Variants in HECW1 observed in about 807,000 individuals in gnomAD.
The protein encoded by HECW1 is E3 ubiquitin-protein ligase HECW1.
In HECW1, 61 loss-of-function variants were observed where a neutral mutation model predicts 182.3. The observed-to-expected ratio is 0.33, with a 90% CI of 0.27 to 0.41. The LOEUF is 0.41. Among genes scored for constraint, HECW1 ranks in the 10% least tolerant of loss-of-function variants. The pLI is 1.00. For missense variants in HECW1, 1,739 were observed against 2,108.9 expected (o/e 0.82, Z 3.44); for synonymous variants, 859 against 832.6 (o/e 1.03, Z -0.55).
chr7:43,189,370 G>A (rs768778763), intron 2 of HECW1, among the ~76,000 whole-genome samples: 1 of 144,628 alleles, frequency 6.9e-6, no homozygotes, highest in Non-Finnish European at 1.5e-5. Context: ...CAGGCGATAG[G>A]GACATTGCTG....
At chr7:43,137,808 C>T (rs2152628917) in intron 2 of HECW1, among the ~76,000 whole-genome samples, 1 of 152,280 alleles carries the variant, frequency 6.6e-6, no homozygotes, top group Non-Finnish European at 1.5e-5. Flanking sequence ...CTTTGGCCTC[C>T]CAAAATGTTG....
chr7:43,376,086 G>T (rs976973460), intron 6 of HECW1, among the ~76,000 whole-genome samples: 1 of 150,682 alleles, frequency 6.6e-6, no homozygotes, highest in African/African-American at 2.4e-5. Flanking sequence ...ATATGAGCTT[G>T]ATCATCTCCA....
At chr7:43,439,976 A>C (rs1041083183) in intron 9 of HECW1, 3 of 152,376 alleles carry the variant, frequency 2.0e-5, no homozygotes, top group Non-Finnish European at 4.4e-5. Context: ...GGGATGATAG[A>C]CTGCCCCCTG....
chr7:43,319,393 C>CAAAAAAAAAAAAAAAAA (rs529109893), intron 4 of HECW1, among the ~76,000 whole-genome samples: 10 of 67,684 alleles, frequency 1.5e-4, no homozygotes, highest in Admixed American at 5.6e-4. Flanking sequence ...GACTCCGTCT[C>CAAAAAAAAAAAAAAAAA]AAAAAAAAAA....
At chr7:43,192,531 AAAAG>A (rs1043027787) in intron 2 of HECW1, among the ~76,000 whole-genome samples, 17 of 149,944 alleles carry the variant, frequency 1.1e-4, no homozygotes, top group African/African-American at 3.5e-4. Flanking sequence ...AAACTTCATA[AAAAG>A]AAAAAAGTGG....
intron 26 of HECW1, among the ~76,000 whole-genome samples, chr7:43,548,160 AATAG>A (rs750900308): frequency 2.2e-4 from 33 of 152,342 alleles, no homozygotes; most frequent in Non-Finnish European, 3.5e-4. Context: ...ACTTTTTAAT[AATAG>A]ATTTGTGTAC....
intron 2 of HECW1, chr7:43,151,117 C>G (rs1053409290): frequency 3.3e-5 from 5 of 152,952 alleles, no homozygotes; most frequent in Admixed American, 6.5e-5. Context: ...GAGATGGTCC[C>G]GTGGTCCCAA....
intron 2 of HECW1, among the ~76,000 whole-genome samples, chr7:43,174,375 C>T (rs1792002002): frequency 6.6e-6 from 1 of 152,184 alleles, no homozygotes; most frequent in Non-Finnish European, 1.5e-5. Context: ...GCCAACTTTG[C>T]AAATGCTGTT....
At chr7:43,462,712 G>A (rs1211621279) in intron 13 of HECW1, among the ~76,000 whole-genome samples, 1 of 152,174 alleles carries the variant, frequency 6.6e-6, no homozygotes, top group African/African-American at 2.4e-5. Flanking sequence ...CTGGTCTCCT[G>A]GCCCTGCCAG....
rs866409013 is a variant in HECW1, at chr7:43,193,882, A to T, written c.-31-49993A>T. Among the ~76,000 whole-genome samples, 6 of 152,300 alleles carry T rather than the reference A, an allele frequency of 3.9e-5. No homozygotes were observed. In the Middle Eastern group the frequency reaches 0.014, roughly 345 times the overall value. ...CAGAAAGACCTAGTAAGGGAAGGAG[A>T]TTCTCTGCAGATTGTGAATGCCCCC... On this transcript the variant is annotated intron_variant, in intron 2 of 29. Transcript: ENST00000395891.
chr7:43,530,243 C>A (rs184846058), intron 24 of HECW1, among the ~76,000 whole-genome samples: 12 of 151,844 alleles, frequency 7.9e-5, no homozygotes, highest in African/African-American at 2.9e-4. Context: ...CAGGCATGAG[C>A]CACCATGCCT....
rs77920269 is a variant in HECW1 at position 43,480,023 on chromosome 7, A to G, written c.3234+279A>G. Reference sequence around the variant, plus strand: ...AGGAAACTGAAAATGCACTGTCAGGAGATCCCTACACTTATGGCTGGAGCT... The same window carrying G: ...AGGAAACTGAAAATGCACTGTCAGGGGATCCCTACACTTATGGCTGGAGCT... On this transcript the variant is annotated intron_variant, in intron 17 of 29. Transcript: ENST00000395891. Among the ~76,000 whole-genome samples the G allele has an allele frequency of 2.2e-4, 33 of 152,266 alleles. 1 individual carries two copies. In the East Asian group the frequency reaches 6.2e-3, roughly 29 times the overall value.
chr7:43,285,064 A>G (rs1421303953), intron 3 of HECW1, among the ~76,000 whole-genome samples: 4 of 149,980 alleles, frequency 2.7e-5, no homozygotes, highest in Non-Finnish European at 4.4e-5. Context: ...TTAACTTATT[A>G]TAACTTTTGG....
intron 6 of HECW1, among the ~76,000 whole-genome samples, chr7:43,372,300 A>G (rs2074139387): frequency 6.6e-6 from 1 of 152,204 alleles, no homozygotes; most frequent in African/African-American, 2.4e-5. Flanking sequence ...GATTTCACTT[A>G]TCATTCTGTG....
At position 43,565,286 on chromosome 7, in the gene HECW1, G is replaced by C. The variant is rs2152968366; in HGVS notation, c.*3360G>C. ...ATTAAGAAAAAGAGACATATGATTT[G>C]GGGGAGCAGGCGTTAAACATGCAAG... On this transcript the variant is annotated 3_prime_UTR_variant, in exon 30 of 30. Coordinates refer to ENST00000395891, the MANE Select transcript of HECW1 (RefSeq NM_015052.5). 1 of 207,088 alleles carries C rather than the reference G, an allele frequency of 4.8e-6. No homozygotes were observed. The highest frequency in any genetic ancestry group is 1.6e-3 in the Middle Eastern group (1 of 644). The allele number at this position is 207,088 out of a possible 1,614,324, so 12.8% of individuals were successfully genotyped here. A position where few individuals can be genotyped will look rare whatever the true frequency, so the allele number is the denominator to read the frequency against.
intron 3 of HECW1, among the ~76,000 whole-genome samples, chr7:43,271,923 G>T (rs1181719551): frequency 6.6e-6 from 1 of 151,972 alleles, no homozygotes; most frequent in Non-Finnish European, 1.5e-5. Context: ...AACACTGGAG[G>T]CATCACATTA....
At chr7:43,553,124 C>T (rs1233329218) in intron 28 of HECW1, among the ~76,000 whole-genome samples, 1 of 152,214 alleles carries the variant, frequency 6.6e-6, no homozygotes, top group Non-Finnish European at 1.5e-5. Flanking sequence ...CCTAAATACT[C>T]ACCTTGCACA....
intron 3 of HECW1, among the ~76,000 whole-genome samples, chr7:43,272,184 A>T (rs1265083574): frequency 6.6e-6 from 1 of 152,102 alleles, no homozygotes; most frequent in African/African-American, 2.4e-5. Context: ...CCATATGCAA[A>T]AATTAACTCA....
intron 5 of HECW1, among the ~76,000 whole-genome samples, chr7:43,322,355 T>C (rs1381896350): frequency 6.6e-6 from 1 of 152,210 alleles, no homozygotes; most frequent in Non-Finnish European, 1.5e-5. Context: ...CCACCGCACC[T>C]GGCCAGAATT....
Sources: gnomAD v4.1 joint callset for allele counts (sites outside exome capture counted in the v4.1 genomes callset) on GRCh38, gnomAD v4.1.1 for gene constraint, MANE v1.5 for transcripts, NCBI Gene and HGNC (gene_info 2026-07-23, HGNC 2026-07-21) for gene names.